Variants in ADAP1 observed in about 807,000 individuals in gnomAD.
ADAP1 encodes the protein ArfGAP with dual PH domains 1.
In ADAP1, 31 loss-of-function variants were observed where a neutral mutation model predicts 54.9. The observed-to-expected ratio is 0.56, with a 90% CI of 0.42 to 0.76. The LOEUF (loss-of-function observed/expected upper bound fraction) is 0.76, where lower values mean the gene tolerates loss of function less well. Ranked by LOEUF, ADAP1 falls within the 30% of genes least tolerant of loss-of-function variation. The pLI is 0.00. For missense variants in ADAP1, 535 were observed against 512.4 expected (o/e 1.04, Z -0.42); for synonymous variants, 313 against 202.6 (o/e 1.55, Z -4.63).
intron 4 of ADAP1, among the ~76,000 whole-genome samples, chr7:915,948 T>C (rs117736081): frequency 0.02 from 2,989 of 148,084 alleles, 82 homozygotes; most frequent in East Asian, 0.12. Flanking sequence ...GTCTGCCACC[T>C]GCCTGCAGAA....
Position 898,671 on chromosome 7 carries a change from G to A in ADAP1, c.*250C>T, listed in dbSNP as rs117433026. 0.035 allele frequency: 20,076 copies of A among 568,074 alleles called. 476 individuals carry two copies. Among genetic ancestry groups the A allele is most frequent in the Non-Finnish European group, 0.046 (14,591 of 317,700 alleles). The allele number at this position is 568,074 out of a possible 1,614,324, so 35.2% of individuals were successfully genotyped here. A position where few individuals can be genotyped will look rare whatever the true frequency, so the allele number is the denominator to read the frequency against. ...AAAGGGGGCCCCGGGTCAGGGAGGG[G>A]CAGGTTGGCTGGGTGTGGTCAGCAG... is the stretch of plus-strand genomic sequence containing the variant. On this transcript the variant is annotated 3_prime_UTR_variant, in exon 11 of 11. Coordinates refer to ENST00000265846, the MANE Select transcript of ADAP1 (RefSeq NM_006869.4).
chr7:914,785 A>G (rs867773980), intron 4 of ADAP1, among the ~76,000 whole-genome samples: 21 of 152,180 alleles, frequency 1.4e-4, no homozygotes, highest in Non-Finnish European at 7.4e-5. Context: ...ACCCAGAGAC[A>G]GCAGCCTGGA....
chr7:949,623 G>A (rs1327576538), intron 1 of ADAP1, among the ~76,000 whole-genome samples: 1 of 152,232 alleles, frequency 6.6e-6, no homozygotes, highest in Non-Finnish European at 1.5e-5. Flanking sequence ...CCACAAAGCA[G>A]TAACCTTGGC....
In ADAP1 at chr7:899,136, G is replaced by A. The variant is rs1844651918; in HGVS notation, c.993C>T (p.Asp331=). ...TCTCGCAGGCAAACAGAAACTTGCG[G>A]TCGGGCGTGACGATGGTGATGCCAT... ...WPHGITIVTP[D]RKFLFACETE... is the part of the protein sequence containing the mutation. The change falls in exon 10 of 11, where the codon GAC becomes GAT. Residue 331 remains aspartate, a synonymous_variant. Coordinates refer to ENST00000265846, the MANE Select transcript of ADAP1 (RefSeq NM_006869.4). 2.5e-6 allele frequency: 4 copies of A among 1,610,288 alleles called. No homozygotes were observed. Among genetic ancestry groups the A allele is most frequent in the Non-Finnish European group, 3.4e-6 (4 of 1,179,962 alleles).
intron 1 of ADAP1, 42 bp downstream of exon 1, chr7:954,354 C>G: frequency 3.9e-6 from 4 of 1,034,336 alleles, no homozygotes; most frequent in Non-Finnish European, 4.6e-6. Flanking sequence ...CCGCGCCCAC[C>G]CCGGACCCAC....
intron 1 of ADAP1, among the ~76,000 whole-genome samples, chr7:949,685 T>C (rs935859304): frequency 1.3e-5 from 2 of 152,062 alleles, no homozygotes; most frequent in Non-Finnish European, 2.9e-5. Context: ...TAGGCTGAAG[T>C]TGGGGGGAGC....
chr7:929,723 C>T (rs1403758472), intron 2 of ADAP1, among the ~76,000 whole-genome samples: 2 of 151,932 alleles, frequency 1.3e-5, no homozygotes, highest in Admixed American at 1.3e-4. Flanking sequence ...GTCGTGCAGC[C>T]CTGTGGCTTC....
Position 899,160 on chromosome 7 carries a change from A to C in ADAP1, c.969T>G (p.His323Gln). The change falls in exon 10 of 11, where the codon CAT (histidine) becomes CAG (glutamine). Residue 323 changes from histidine (H) to glutamine (Q), a missense_variant. Coordinates refer to ENST00000265846, the MANE Select transcript of ADAP1 (RefSeq NM_006869.4). ...GGTCGGGCGTGACGATGGTGATGCCATGTGGCCAGTGGTGGCCCTGGGTGG... is the reference window on the plus strand; with the variant it reads ...GGTCGGGCGTGACGATGGTGATGCCCTGTGGCCAGTGGTGGCCCTGGGTGG... The part of the protein sequence containing the change: ...PPSTQGHHWP[H>Q]GITIVTPDRK... 6.2e-7 allele frequency: 1 copy of C among 1,611,824 alleles called. No homozygotes were observed. Among genetic ancestry groups the C allele is most frequent in the Non-Finnish European group, 8.5e-7 (1 of 1,179,960 alleles).
chr7:954,447 C>T lies in ADAP1; in HGVS notation c.31G>A (p.Glu11Lys). The T allele has an allele frequency of 9.0e-7, 1 of 1,113,862 alleles. No homozygotes were observed. The highest frequency in any genetic ancestry group is 1.1e-6 in the Non-Finnish European group (1 of 905,848). 69.0% of individuals were successfully genotyped at this position (1,113,862 alleles called of 1,614,324 possible). A position where few individuals can be genotyped will look rare whatever the true frequency, so the allele number is the denominator to read the frequency against. Residue 11 changes from glutamate to lysine, a missense_variant, in exon 1 of 11, where the codon GAG becomes AAG. Physicochemically the swap from Glu to Lys is moderately conservative, Grantham distance 56 (BLOSUM62 1). Transcript: ENST00000265846. ...GCGTTCCCCGGCCGCTGCAGCAGCTCCAGGACCGCCCTGCGCCGCTCCTTG... is the reference window on the plus strand; with the variant it reads ...GCGTTCCCCGGCCGCTGCAGCAGCTTCAGGACCGCCCTGCGCCGCTCCTTG... The part of the protein sequence containing the change: MAKERRRAVL[E>K]LLQRPGNARC...
At position 926,521 on chromosome 7, in the gene ADAP1, C is replaced by T. The variant is rs1846394465; in HGVS notation, c.305+32G>A. 6.6e-7 allele frequency: 1 copy of T among 1,504,770 alleles called. No homozygotes were observed. The allele number at this position is 1,504,770 out of a possible 1,614,324, so 93.2% of individuals were successfully genotyped here. A position where few individuals can be genotyped will look rare whatever the true frequency, so the allele number is the denominator to read the frequency against. On this transcript the variant is annotated intron_variant, in intron 3 of 10. Coordinates refer to ENST00000265846, the MANE Select transcript of ADAP1 (RefSeq NM_006869.4). The surrounding 1 kb of genome is among the most constrained non-coding windows in gnomAD (Gnocchi z 4.6). ...CATCTCGGAGCCACCCAGCACTTGA[C>T]CATGGCCCTGACAAGGCCCCTTTGT...
At chr7:918,627 C>A (rs1400718122) in intron 4 of ADAP1, among the ~76,000 whole-genome samples, 1 of 152,170 alleles carries the variant, frequency 6.6e-6, no homozygotes, top group Non-Finnish European at 1.5e-5. Flanking sequence ...CCCAGCAGCA[C>A]CAAACATCCC....
Position 954,506 on chromosome 7 carries a change from CG to C in ADAP1, c.-30del. 1 of 1,009,586 alleles carries C rather than the reference CG, an allele frequency of 9.9e-7. No individual in the cohort carries two copies. 62.5% of individuals were successfully genotyped at this position (1,009,586 alleles called of 1,614,324 possible). A position where few individuals can be genotyped will look rare whatever the true frequency, so the allele number is the denominator to read the frequency against. ...CGCGATGCGCCCGCGATGCCGATGC[CG>C]GGGCCGGGGCCGGGAGCGTCAGCCC... is the stretch of plus-strand genomic sequence containing the variant. On this transcript the variant is annotated 5_prime_UTR_variant, in exon 1 of 11. Transcript: ENST00000265846.
At chr7:922,473 C>G (rs969639608) in intron 3 of ADAP1, among the ~76,000 whole-genome samples, 1 of 152,188 alleles carries the variant, frequency 6.6e-6, no homozygotes, top group African/African-American at 2.4e-5. Context: ...CCCCACAGGG[C>G]TCCCCCAGCC....
At chr7:902,067 G>C (rs1048082419) in intron 6 of ADAP1, among the ~76,000 whole-genome samples, 3 of 152,060 alleles carry the variant, frequency 2.0e-5, no homozygotes, top group Non-Finnish European at 4.4e-5. Context: ...CACAGCTGGG[G>C]GCCAAGCGTC....
intron 1 of ADAP1, among the ~76,000 whole-genome samples, chr7:939,181 G>C (rs951518460): frequency 1.3e-5 from 2 of 152,166 alleles, no homozygotes; most frequent in African/African-American, 4.8e-5. Context: ...TCGTTGACTA[G>C]CTGTGATGGA....
intron 4 of ADAP1, among the ~76,000 whole-genome samples, chr7:909,552 G>C (rs1845634584): frequency 6.6e-6 from 1 of 152,242 alleles, no homozygotes; most frequent in Non-Finnish European, 1.5e-5. Context: ...ACCTCAGGCT[G>C]AGCCTCTGCT....
chr7:920,149 T>A lies in ADAP1; in HGVS notation c.306-99A>T. 3 of 1,089,464 alleles carry A rather than the reference T, an allele frequency of 2.8e-6. No homozygotes were observed. The highest frequency in any genetic ancestry group is 4.0e-6 in the Non-Finnish European group (3 of 752,278). The allele number at this position is 1,089,464 out of a possible 1,614,324, so 67.5% of individuals were successfully genotyped here. A position where few individuals can be genotyped will look rare whatever the true frequency, so the allele number is the denominator to read the frequency against. On this transcript the variant is annotated intron_variant, in intron 3 of 10. Coordinates refer to ENST00000265846, the MANE Select transcript of ADAP1 (RefSeq NM_006869.4). This position sits in a 1 kb window ranked among gnomAD's most constrained non-coding sequence, Gnocchi z 4.5. ...GACCCTGGACATCTCAAGAGGCTCA[T>A]AGGGACCCCCGGCAGACTCGAGCCG...
At chr7:927,151 G>T (rs1390425308) in intron 2 of ADAP1, 6 of 1,303,472 alleles carry the variant, frequency 4.6e-6, no homozygotes, top group South Asian at 1.2e-5. Context: ...TCTCTGAGGG[G>T]ACTCTGCAGG....
At position 915,895 on chromosome 7, in the gene ADAP1, G is replaced by A. The variant is rs553157996; in HGVS notation, c.388+4073C>T. Among the ~76,000 whole-genome samples the A allele has an allele frequency of 6.3e-4, 93 of 146,586 alleles. No individual in the cohort carries two copies. In the South Asian group the frequency reaches 0.017, roughly 26 times the overall value. On this transcript the variant is annotated intron_variant, in intron 4 of 10. Transcript: ENST00000265846. ...TTCCACGAGACGCTGTCTGCCACCC[G>A]CCTGCAGAACCCAGAACCCGCGCCC...
Sources: gnomAD v4.1 joint callset for allele counts (sites outside exome capture counted in the v4.1 genomes callset) on GRCh38, gnomAD v4.1.1 for gene constraint, Gnocchi (gnomAD v3.1) non-coding constraint, MANE v1.5 for transcripts, NCBI Gene and HGNC (gene_info 2026-07-23, HGNC 2026-07-21) for gene names.